EVI5: variants seen among roughly 807,000 people sequenced by gnomAD.
The protein encoded by EVI5 is ecotropic viral integration site 5 protein homolog.
EVI5 carries 73 observed loss-of-function variants against 112.0 expected under a neutral mutation model. That is an observed-to-expected ratio of 0.65 (90% CI 0.54 to 0.79). EVI5 has a LOEUF of 0.79. Ranked by LOEUF, EVI5 falls within the 30% of genes least tolerant of loss-of-function variation. EVI5 has a pLI of 0.00. For missense variants in EVI5, 900 were observed against 968.8 expected (o/e 0.93, Z 0.94); for synonymous variants, 305 against 319.9 (o/e 0.95, Z 0.50).
chr1:92,632,651 G>A (rs1236338032), intron 14 of EVI5, among the ~76,000 whole-genome samples: 2 of 152,040 alleles, frequency 1.3e-5, no homozygotes, highest in East Asian at 3.8e-4. Context: ...TTTTTTGAAG[G>A]GCTTTTTATG....
At chr1:92,685,952 C>T (rs918750499) in intron 9 of EVI5, among the ~76,000 whole-genome samples, 1 of 152,104 alleles carries the variant, frequency 6.6e-6, no homozygotes, top group Admixed American at 6.5e-5. Context: ...GATTCACAGT[C>T]AAATTCTTCC....
At chr1:92,594,774 C>G (rs1448508710) in intron 18 of EVI5, among the ~76,000 whole-genome samples, 4 of 149,994 alleles carry the variant, frequency 2.7e-5, no homozygotes, top group African/African-American at 9.8e-5. Context: ...ACAGACACTT[C>G]TCAAAAGAAG....
At chr1:92,728,411 C>T (rs1380923823) in intron 2 of EVI5, among the ~76,000 whole-genome samples, 2 of 150,784 alleles carry the variant, frequency 1.3e-5, no homozygotes, top group African/African-American at 2.4e-5. Context: ...GACAAAGTCT[C>T]GCTCTGTCGC....
chr1:92,631,646 T>G (rs1342948032), intron 14 of EVI5, among the ~76,000 whole-genome samples: 1 of 152,194 alleles, frequency 6.6e-6, no homozygotes, highest in East Asian at 1.9e-4. Context: ...TTTGACTTCC[T>G]CTTTTCCTAA....
chr1:92,697,946 T>G lies in EVI5; in HGVS notation c.679A>C (p.Met227Leu). 1 of 1,612,810 alleles carries G rather than the reference T, an allele frequency of 6.2e-7. No individual in the cohort carries two copies. The change falls in exon 6 of 20, where the codon ATG (methionine) becomes CTG (leucine). Residue 227 changes from methionine (M) to leucine (L), a missense_variant. Coordinates refer to ENST00000684568, the MANE Select transcript of EVI5 (RefSeq NM_001350197.2). ...EEAFCVFVKL[M>L]QDYRLRELFK... is the part of the protein sequence containing the mutation. Reference sequence around the variant, plus strand: ...AGTTCACGAAGTCTATAATCTTGCATTAATTTAACAAATACACAGAAAGCT... The same window carrying G: ...AGTTCACGAAGTCTATAATCTTGCAGTAATTTAACAAATACACAGAAAGCT...
At chr1:92,735,772 T>C (rs1242266398) in intron 2 of EVI5, among the ~76,000 whole-genome samples, 3 of 144,212 alleles carry the variant, frequency 2.1e-5, no homozygotes, top group South Asian at 2.1e-4. Flanking sequence ...ATATATGTTA[T>C]ATATAACATA....
At chr1:92,689,219 T>C (rs575288834) in intron 9 of EVI5, among the ~76,000 whole-genome samples, 2 of 152,286 alleles carry the variant, frequency 1.3e-5, no homozygotes, top group East Asian at 3.9e-4. Context: ...GGCAAAATTC[T>C]GTGATGCTGA....
chr1:92,756,044 A>G, intron 1 of EVI5: 1 of 246,516 alleles, frequency 4.1e-6, no homozygotes, highest in Non-Finnish European at 8.7e-6. Context: ...TCTATCTAGC[A>G]GCTGTATTTA....
At chr1:92,766,538 A>C (rs1277398461) in intron 1 of EVI5, among the ~76,000 whole-genome samples, 1 of 152,220 alleles carries the variant, frequency 6.6e-6, no homozygotes, top group East Asian at 1.9e-4. Context: ...ATGTGAAATA[A>C]GAATTACCAC....
At chr1:92,651,571 G>T (rs1265998441) in intron 13 of EVI5, among the ~76,000 whole-genome samples, 4 of 152,190 alleles carry the variant, frequency 2.6e-5, no homozygotes, top group Non-Finnish European at 5.9e-5. Flanking sequence ...GAAATTGGGG[G>T]CCGGGCGCAG....
chr1:92,741,317 G>A (rs1301899525), intron 1 of EVI5, among the ~76,000 whole-genome samples: 1 of 152,190 alleles, frequency 6.6e-6, no homozygotes, highest in African/African-American at 2.4e-5. Flanking sequence ...GGTCACTAAT[G>A]ACTTCAGTGA....
intron 13 of EVI5, among the ~76,000 whole-genome samples, chr1:92,652,159 CA>C (rs1294448130): frequency 1.3e-5 from 2 of 152,112 alleles, no homozygotes. Flanking sequence ...GGAATTTTAT[CA>C]GCCATAAAAA....
chr1:92,614,528 A>G (rs1323352052), intron 16 of EVI5, among the ~76,000 whole-genome samples: 1 of 152,022 alleles, frequency 6.6e-6, no homozygotes, highest in Non-Finnish European at 1.5e-5. Context: ...TCCACCCTTA[A>G]TCTGGTGGAC....
Position 92,513,510 on chromosome 1 carries a change from AATATATATATATAT to A in EVI5, c.*132_*145del, listed in dbSNP as rs200063630. ...GATAAAAAGGCAGATAAGACTGTAAAATATATATATATATATATATATATATATATATATATATA... is the reference window on the plus strand; with the variant it reads ...GATAAAAAGGCAGATAAGACTGTAAAATATATATATATATATATATATATA... On this transcript the variant is annotated 3_prime_UTR_variant, in exon 20 of 20. Transcript: ENST00000684568. The A allele has an allele frequency of 1.4e-3, 234 of 172,766 alleles. No individual in the cohort carries two copies. Among genetic ancestry groups the A allele is most frequent in the African/African-American group, 2.2e-3 (74 of 34,200 alleles). The allele number at this position is 172,766 out of a possible 1,614,324, so 10.7% of individuals were successfully genotyped here.
chr1:92,562,738 A>G (rs1248799926), intron 19 of EVI5, among the ~76,000 whole-genome samples: 2 of 152,108 alleles, frequency 1.3e-5, no homozygotes, highest in African/African-American at 4.8e-5. Flanking sequence ...TAGACTGACT[A>G]CCTCCAGGAG....
chr1:92,609,897 T>C (rs1184769414), intron 16 of EVI5, among the ~76,000 whole-genome samples: 1 of 151,594 alleles, frequency 6.6e-6, no homozygotes, highest in South Asian at 2.1e-4. Context: ...TTTTTTTAGA[T>C]AGGGTCTCAC....
At chr1:92,721,511 A>G (rs1674751150) in intron 2 of EVI5, among the ~76,000 whole-genome samples, 1 of 152,120 alleles carries the variant, frequency 6.6e-6, no homozygotes, top group South Asian at 2.1e-4. Context: ...GAAACATCAC[A>G]CCCTGGTGCC....
chr1:92,569,852 CAAAAAAA>C (rs1184172805), intron 18 of EVI5, among the ~76,000 whole-genome samples: 10,351 of 38,578 alleles, frequency 0.27, 283 homozygotes, highest in South Asian at 0.29. Context: ...GACTCCATCT[CAAAAAAA>C]AAAAAAAAAA....
intron 9 of EVI5, among the ~76,000 whole-genome samples, chr1:92,682,354 G>A (rs1017775885): frequency 4.6e-5 from 7 of 152,170 alleles, no homozygotes; most frequent in Middle Eastern, 3.4e-3. Flanking sequence ...TTCATGGCAC[G>A]TTCACTGATG....
Sources: gnomAD v4.1 joint callset for allele counts (sites outside exome capture counted in the v4.1 genomes callset) on GRCh38, gnomAD v4.1.1 for gene constraint, MANE v1.5 for transcripts, NCBI Gene and HGNC (gene_info 2026-07-23, HGNC 2026-07-21) for gene names.